SNX29: variants seen among roughly 807,000 people sequenced by gnomAD.
The protein encoded by SNX29 is sorting nexin-29.
A neutral mutation model predicts 102.1 loss-of-function variants in SNX29; 78 were observed. The observed-to-expected ratio is 0.76, with a 90% CI of 0.64 to 0.92. The LOEUF is 0.92. Among genes scored for constraint, SNX29 ranks in the 40% least tolerant of loss-of-function variants. The probability of loss-of-function intolerance (pLI) is 0.00; values close to 1 mark genes in which losing one functional copy is unlikely to be tolerated. For missense variants in SNX29, 1,280 were observed against 1,061.7 expected (o/e 1.21, Z -2.86); for synonymous variants, 580 against 414.5 (o/e 1.40, Z -4.85).
chr16:12,370,657 C>G (rs983517726), intron 16 of SNX29, among the ~76,000 whole-genome samples: 1 of 152,206 alleles, frequency 6.6e-6, no homozygotes, highest in South Asian at 2.1e-4. Flanking sequence ...CCAAGGGCAT[C>G]TTCCGGCGTG....
At chr16:12,122,805 A>G (rs1266825662) in intron 11 of SNX29, among the ~76,000 whole-genome samples, 1 of 152,090 alleles carries the variant, frequency 6.6e-6, no homozygotes, top group African/African-American at 2.4e-5. Context: ...TTCATTGCCT[A>G]TCATCTCTGT....
At chr16:12,176,642 T>G (rs762767052) in intron 13 of SNX29, among the ~76,000 whole-genome samples, 1 of 152,206 alleles carries the variant, frequency 6.6e-6, no homozygotes, top group Non-Finnish European at 1.5e-5. Flanking sequence ...TTTAGGCTAT[T>G]TACAAATACT....
chr16:12,390,627 G>T (rs1164509870), intron 16 of SNX29, among the ~76,000 whole-genome samples: 1 of 152,150 alleles, frequency 6.6e-6, no homozygotes, highest in East Asian at 1.9e-4. Context: ...TCTGGGCGAG[G>T]GCTGCCAAAC....
intron 20 of SNX29, among the ~76,000 whole-genome samples, chr16:12,550,492 G>C (rs1001131251): frequency 6.8e-6 from 1 of 147,604 alleles, no homozygotes; most frequent in Non-Finnish European, 1.5e-5. Context: ...CTGACATTGT[G>C]TCATTACATT....
chr16:12,538,121 T>A (rs1016334953), intron 20 of SNX29, among the ~76,000 whole-genome samples: 4 of 45,414 alleles, frequency 8.8e-5, no homozygotes, highest in African/African-American at 4.1e-4. Flanking sequence ...TCCCCTTGCA[T>A]TTTTTTATTT....
At chr16:12,132,260 G>A (rs1434155844) in intron 13 of SNX29, among the ~76,000 whole-genome samples, 4 of 151,966 alleles carry the variant, frequency 2.6e-5, no homozygotes, top group East Asian at 1.9e-4. Flanking sequence ...CACTATGCCC[G>A]GCTAATTTTT....
rs145700901 is a variant in SNX29 at position 12,114,095 on chromosome 16, C to T, written c.1403-12538C>T. On this transcript the variant is annotated intron_variant, in intron 11 of 20. Coordinates refer to ENST00000566228, the MANE Select transcript of SNX29 (RefSeq NM_032167.5). ...TTTTTCTCATCCTGTATATCTCCCACCTTGCTGGCCACGTTGCCTCCCGTG... is the reference window on the plus strand; with the variant it reads ...TTTTTCTCATCCTGTATATCTCCCATCTTGCTGGCCACGTTGCCTCCCGTG... Among the ~76,000 whole-genome samples the T allele has an allele frequency of 5.2e-3, 795 of 152,342 alleles. 4 individuals are homozygous for T. Among genetic ancestry groups the T allele is most frequent in the Middle Eastern group, 0.01 (3 of 294 alleles).
At chr16:12,067,551 A>G (rs575770900) in intron 9 of SNX29, among the ~76,000 whole-genome samples, 1 of 152,162 alleles carries the variant, frequency 6.6e-6, no homozygotes, top group Non-Finnish European at 1.5e-5. Context: ...GCAGTGACGT[A>G]ATCTCAGCTC....
chr16:12,209,395 G>C (rs1042688035), intron 14 of SNX29, among the ~76,000 whole-genome samples: 2 of 152,106 alleles, frequency 1.3e-5, no homozygotes, highest in African/African-American at 4.8e-5. Context: ...TTGCCATGTT[G>C]GCCAGACTGG....
intron 14 of SNX29, among the ~76,000 whole-genome samples, chr16:12,213,124 A>C (rs923705841): frequency 2.0e-5 from 3 of 152,186 alleles, no homozygotes; most frequent in Non-Finnish European, 2.9e-5. Context: ...AAAAAAAGAA[A>C]AACACAAACA....
chr16:12,424,488 G>A (rs1409462095), intron 18 of SNX29, among the ~76,000 whole-genome samples: 1 of 152,108 alleles, frequency 6.6e-6, no homozygotes, highest in Admixed American at 6.5e-5. Context: ...TAGAACCATG[G>A]TAAGCAACCT....
At chr16:12,547,176 TAGGAAGATGAC>T (rs1567168875) in intron 20 of SNX29, among the ~76,000 whole-genome samples, 1 of 152,134 alleles carries the variant, frequency 6.6e-6, no homozygotes, top group East Asian at 1.9e-4. Flanking sequence ...GTTTATGGTC[TAGGAAGATGAC>T]AGGGATAGTT....
At chr16:12,076,014 T>TTGGAAAAGTG in intron 10 of SNX29, among the ~76,000 whole-genome samples, 2 of 152,190 alleles carry the variant, frequency 1.3e-5, no homozygotes, top group African/African-American at 4.8e-5. Flanking sequence ...CCTAAGCCCT[T>TTGGAAAAGTG]CGGAAAAGCG....
chr16:12,205,598 C>T (rs1005234125), intron 14 of SNX29, among the ~76,000 whole-genome samples: 3 of 152,318 alleles, frequency 2.0e-5, no homozygotes, highest in South Asian at 4.1e-4. Context: ...TATGCAGGGA[C>T]GCTCTTCCCT....
chr16:12,038,120 C>A (rs1407885055), intron 4 of SNX29, among the ~76,000 whole-genome samples: 2 of 152,182 alleles, frequency 1.3e-5, no homozygotes, highest in African/African-American at 2.4e-5. Context: ...AACATTTATT[C>A]ACTGCATTTA....
At position 12,572,841 on chromosome 16, in the gene SNX29, T is replaced by C. The variant is rs541883083; in HGVS notation, c.*4212T>C. Reference sequence around the variant, plus strand: ...AGGCATCCCAGAAGGGGCAGCCTCATGCCCAGGTTTCAGCCCTAAAGGTAA... The same window carrying C: ...AGGCATCCCAGAAGGGGCAGCCTCACGCCCAGGTTTCAGCCCTAAAGGTAA... On this transcript the variant is annotated 3_prime_UTR_variant, in exon 21 of 21. Coordinates refer to ENST00000566228, the MANE Select transcript of SNX29 (RefSeq NM_032167.5). The C allele has an allele frequency of 1.9e-6, 2 of 1,063,698 alleles. No homozygotes were observed. The highest frequency in any genetic ancestry group is 2.3e-6 in the Non-Finnish European group (2 of 878,310). The allele number at this position is 1,063,698 out of a possible 1,614,324, so 65.9% of individuals were successfully genotyped here.
chr16:12,534,651 A>T (rs1181491989), intron 20 of SNX29, among the ~76,000 whole-genome samples: 1 of 152,206 alleles, frequency 6.6e-6, no homozygotes, highest in Non-Finnish European at 1.5e-5. Flanking sequence ...CACCTGAAGG[A>T]GTTCCCTGCA....
intron 14 of SNX29, among the ~76,000 whole-genome samples, chr16:12,277,700 G>C (rs1489300216): frequency 6.6e-6 from 1 of 152,060 alleles, no homozygotes; most frequent in Non-Finnish European, 1.5e-5. Flanking sequence ...TCAGCCTCCT[G>C]AGCAGCTGAC....
intron 16 of SNX29, among the ~76,000 whole-genome samples, chr16:12,394,320 A>G (rs1176804882): frequency 1.3e-5 from 2 of 152,212 alleles, no homozygotes; most frequent in Non-Finnish European, 2.9e-5. Context: ...AAGAACGGAT[A>G]CTTTGTAGTG....
Sources: allele counts gnomAD v4.1 joint callset (sites outside exome capture counted in the v4.1 genomes callset), GRCh38; gene constraint gnomAD v4.1.1; transcripts MANE v1.5; gene names NCBI Gene and HGNC (gene_info 2026-07-23, HGNC 2026-07-21).